Variants in MARCHF5 observed in about 807,000 individuals in gnomAD.
The protein encoded by MARCHF5 is membrane associated ring-CH-type finger 5.
A neutral mutation model predicts 36.5 loss-of-function variants in MARCHF5; 5 were observed. That is an observed-to-expected ratio of 0.14 (90% CI 0.07 to 0.29). The LOEUF (loss-of-function observed/expected upper bound fraction) is 0.29, where lower values mean the gene tolerates loss of function less well. Ranked by LOEUF, MARCHF5 falls within the 10% of genes least tolerant of loss-of-function variation. The probability of loss-of-function intolerance (pLI) is 1.00; values close to 1 mark genes in which losing one functional copy is unlikely to be tolerated. For missense variants in MARCHF5, 179 were observed against 336.3 expected (o/e 0.53, Z 3.66); for synonymous variants, 103 against 109.9 (o/e 0.94, Z 0.39).
At chr10:92,329,396 G>A (rs749257331) in intron 2 of MARCHF5, among the ~76,000 whole-genome samples, 9 of 151,914 alleles carry the variant, frequency 5.9e-5, no homozygotes, top group South Asian at 2.1e-4. Flanking sequence ...GATTGTAAAA[G>A]GGTACTATAG....
At position 92,311,351 on chromosome 10, in the gene MARCHF5, T is replaced by C; in HGVS notation, c.238+14T>C. 9 of 1,514,596 alleles carry C rather than the reference T, an allele frequency of 5.9e-6. No individual in the cohort carries two copies. The highest frequency in any genetic ancestry group is 8.1e-6 in the Non-Finnish European group (9 of 1,111,598). The allele number at this position is 1,514,596 out of a possible 1,614,324, so 93.8% of individuals were successfully genotyped here. A position where few individuals can be genotyped will look rare whatever the true frequency, so the allele number is the denominator to read the frequency against. On this transcript the variant is annotated intron_variant, in intron 2 of 5. Transcript: ENST00000358935. ...TTCCAAAATTGGGTAAGAATATCTT[T>C]AAAAACAACACAGATATAGTTGATG...
intron 1 of MARCHF5, among the ~76,000 whole-genome samples, chr10:92,294,342 A>G (rs888696901): frequency 2.6e-5 from 4 of 152,214 alleles, no homozygotes; most frequent in Admixed American, 6.5e-5. Flanking sequence ...CAAATGAAAC[A>G]TACATCTCTA....
At chr10:92,317,222 C>T (rs74392798) in intron 2 of MARCHF5, among the ~76,000 whole-genome samples, 2,413 of 152,092 alleles carry the variant, frequency 0.016, 65 homozygotes, top group African/African-American at 0.056. Context: ...TCTCCTGCCT[C>T]GGCCTCCCTG....
intron 2 of MARCHF5, among the ~76,000 whole-genome samples, chr10:92,319,926 A>G (rs1325230407): frequency 1.2e-4 from 18 of 144,542 alleles, no homozygotes; most frequent in Non-Finnish European, 2.4e-4. Flanking sequence ...TGCTGGGATT[A>G]CAGGCGTGAG....
chr10:92,325,619 T>C (rs1843347586), intron 2 of MARCHF5, among the ~76,000 whole-genome samples: 1 of 152,180 alleles, frequency 6.6e-6, no homozygotes, highest in South Asian at 2.1e-4. Flanking sequence ...CTCTCTTATA[T>C]CTCATTAAGA....
At chr10:92,331,900 CATATATATGTATATATAATCAT>C (rs1035374858) in intron 2 of MARCHF5, among the ~76,000 whole-genome samples, 7 of 144,036 alleles carry the variant, frequency 4.9e-5, no homozygotes, top group African/African-American at 1.5e-4. Flanking sequence ...TATATATAAT[CATATATATGTATATATAATCAT>C]ATATATGTAT....
chr10:92,341,135 T>C (rs1289586242), intron 3 of MARCHF5, among the ~76,000 whole-genome samples: 1 of 152,172 alleles, frequency 6.6e-6, no homozygotes, highest in Non-Finnish European at 1.5e-5. Flanking sequence ...AAAACAGTGC[T>C]GCATAGCTTG....
intron 1 of MARCHF5, among the ~76,000 whole-genome samples, chr10:92,293,418 T>C (rs536824055): frequency 3.9e-5 from 6 of 152,104 alleles, no homozygotes; most frequent in African/African-American, 1.2e-4. Context: ...AAAGTTCTTA[T>C]GTCCAAAAGC....
At chr10:92,319,635 GTTTGTTTTTTGTTTT>G (rs1483997457) in intron 2 of MARCHF5, among the ~76,000 whole-genome samples, 4 of 139,178 alleles carry the variant, frequency 2.9e-5, no homozygotes, top group South Asian at 2.2e-4. Context: ...AATTTTGTGT[GTTTGTTTTTTGTTTT>G]TTTGTTTTTT....
intron 2 of MARCHF5, among the ~76,000 whole-genome samples, chr10:92,329,613 T>C (rs747205277): frequency 6.6e-6 from 1 of 152,178 alleles, no homozygotes; most frequent in Admixed American, 6.5e-5. Flanking sequence ...CATTGGTTTA[T>C]TTCACTACCT....
intron 1 of MARCHF5, among the ~76,000 whole-genome samples, chr10:92,297,417 G>T (rs994948816): frequency 2.7e-5 from 4 of 150,268 alleles, no homozygotes; most frequent in African/African-American, 9.8e-5. Flanking sequence ...TGATCCGCTC[G>T]CCTCGGCCTC....
chr10:92,307,971 C>CT lies in MARCHF5; in HGVS notation c.36-3164_36-3163insT, dbSNP rs566642425. On this transcript the variant is annotated intron_variant, in intron 1 of 5. Coordinates refer to ENST00000358935, the MANE Select transcript of MARCHF5 (RefSeq NM_017824.5). ...TTTTTTTTTTTTTGAGATGGAGTCT[C>CT]ACTCTGTCACCCAGGCTGGAGTGCA... Among the ~76,000 whole-genome samples the CT allele has an allele frequency of 2.7e-3, 395 of 148,412 alleles. 6 individuals carry two copies. The highest frequency in any genetic ancestry group is 4.5e-3 in the Non-Finnish European group (304 of 67,260).
chr10:92,298,760 G>A (rs1374049869), intron 1 of MARCHF5, among the ~76,000 whole-genome samples: 3 of 152,042 alleles, frequency 2.0e-5, no homozygotes, highest in Non-Finnish European at 2.9e-5. Context: ...ACGGGCTTTC[G>A]CCGTGTTGCC....
chr10:92,318,420 C>T (rs1843241110), intron 2 of MARCHF5, among the ~76,000 whole-genome samples: 3 of 112,366 alleles, frequency 2.7e-5, no homozygotes, highest in Non-Finnish European at 5.4e-5. Flanking sequence ...GAGTGAGACC[C>T]TGTCTCAAAA....
chr10:92,347,810 C>T (rs1714788001), intron 3 of MARCHF5, among the ~76,000 whole-genome samples: 1 of 152,210 alleles, frequency 6.6e-6, no homozygotes, highest in African/African-American at 2.4e-5. Context: ...AATATTACAT[C>T]TTAATTAGAT....
At chr10:92,316,531 A>AC (rs1426149932) in intron 2 of MARCHF5, among the ~76,000 whole-genome samples, 2 of 151,762 alleles carry the variant, frequency 1.3e-5, no homozygotes, top group Non-Finnish European at 2.9e-5. Context: ...CCCTTCCTCC[A>AC]CCCCACTTTT....
intron 3 of MARCHF5, among the ~76,000 whole-genome samples, chr10:92,346,610 T>A (rs1843647619): frequency 7.0e-6 from 1 of 143,750 alleles, no homozygotes; most frequent in African/African-American, 2.5e-5. Flanking sequence ...TGCTTCAGCC[T>A]CCCGAGTAGT....
chr10:92,350,460 C>A (rs7089099), intron 5 of MARCHF5, among the ~76,000 whole-genome samples: 30,986 of 152,058 alleles, frequency 0.2, 4,024 homozygotes, highest in East Asian at 0.39. Flanking sequence ...TTACACAGCC[C>A]TCTGTATTTA....
intron 3 of MARCHF5, among the ~76,000 whole-genome samples, chr10:92,342,902 G>T (rs1843595941): frequency 6.6e-6 from 1 of 152,208 alleles, no homozygotes; most frequent in Non-Finnish European, 1.5e-5. Flanking sequence ...ATCTATGCCA[G>T]GGTCAAACCT....
Sources: gnomAD v4.1 joint callset for allele counts (sites outside exome capture counted in the v4.1 genomes callset) on GRCh38, gnomAD v4.1.1 for gene constraint, MANE v1.5 for transcripts, NCBI Gene and HGNC (gene_info 2026-07-23, HGNC 2026-07-21) for gene names.